The following MKRN2OS variants were observed in gnomAD, a reference collection of about 807,000 sequenced individuals.
MKRN2OS encodes MKRN2 opposite strand protein.
Under a neutral mutation model 18.2 loss-of-function variants are expected in MKRN2OS, and 17 were observed. The ratio of observed to expected loss-of-function variants is 0.93; its 90% CI spans 0.64 to 1.40. MKRN2OS has a LOEUF of 1.40. MKRN2OS is among the 40% of genes most tolerant of loss of function. The pLI, the probability that MKRN2OS is intolerant of heterozygous loss-of-function variation, is 0.00. For synonymous variants in MKRN2OS, 121 were observed against 108.5 expected (o/e 1.12, Z -0.72); for missense variants, 337 against 283.0 (o/e 1.19, Z -1.37).
upstream of MKRN2OS, among the ~76,000 whole-genome samples, chr3:12,546,409 T>TCACAACA (rs1214114609): frequency 9.2e-5 from 14 of 152,074 alleles, no homozygotes; most frequent in South Asian, 4.1e-4. Context: ...AGGGCTGTTG[T>TCACAACA]GACTCATCTG....
At chr3:12,548,304 C>A (rs147465874), upstream of MKRN2OS, among the ~76,000 whole-genome samples, 687 of 152,150 alleles carry the variant, frequency 4.5e-3, 8 homozygotes, top group East Asian at 0.029. Flanking sequence ...AAAAATTAGC[C>A]GGGCACGGTG....
upstream of MKRN2OS, among the ~76,000 whole-genome samples, chr3:12,548,305 G>A (rs1291251113): frequency 2.6e-5 from 4 of 152,088 alleles, no homozygotes. Flanking sequence ...AAAATTAGCC[G>A]GGCACGGTGG....
At chr3:12,542,311 A>G (rs960198258) in intron 2 of MKRN2OS, among the ~76,000 whole-genome samples, 6 of 152,176 alleles carry the variant, frequency 3.9e-5, no homozygotes, top group Non-Finnish European at 8.8e-5. Flanking sequence ...AGAGACAATG[A>G]TAGGCACCAG....
chr3:12,557,299 T>A, intron 1 of MKRN2OS: 1 of 1,315,646 alleles, frequency 7.6e-7, no homozygotes, highest in Non-Finnish European at 1.0e-6. Flanking sequence ...ACTCGGCTGT[T>A]CGCGGCGGGG....
At chr3:12,555,588 G>A (rs2057962396) in intron 1 of MKRN2OS, among the ~76,000 whole-genome samples, 2 of 152,196 alleles carry the variant, frequency 1.3e-5, no homozygotes, top group East Asian at 1.9e-4. Context: ...TTGGTCAAAA[G>A]AAGGCAGACA....
intron 2 of MKRN2OS, among the ~76,000 whole-genome samples, 190 bp downstream of exon 2, chr3:12,542,990 A>G (rs2057836514): frequency 6.6e-6 from 1 of 152,178 alleles, no homozygotes; most frequent in South Asian, 2.1e-4. Flanking sequence ...AATATTTTGT[A>G]TTGTTAGTGA....
At position 12,543,198 on chromosome 3, in the gene MKRN2OS, C is replaced by CAA. The variant is rs1189227807; in HGVS notation, c.248_249dup (p.Gly84LeufsTer3). ...CACTTACCATTTGTGTTAGTTATTC[C>CAA]AACATGAAGATCAGACCTTCCATCA... On this transcript the variant is annotated frameshift_variant, in exon 2 of 4. Transcript: ENST00000564146. LOFTEE classifies it high-confidence loss of function. The CAA allele has an allele frequency of 6.5e-7, 1 of 1,535,636 alleles. No homozygotes were observed. Among genetic ancestry groups the CAA allele is most frequent in the South Asian group, 1.2e-5 (1 of 83,998 alleles).
chr3:12,558,684 G>C (rs2058006691), intron 1 of MKRN2OS, among the ~76,000 whole-genome samples: 2 of 152,146 alleles, frequency 1.3e-5, no homozygotes, highest in Non-Finnish European at 2.9e-5. Context: ...GATCATCTTG[G>C]TTTTTTCCTT....
downstream of MKRN2OS, chr3:12,553,658 G>T (rs2057944987): frequency 6.6e-6 from 1 of 152,036 alleles, no homozygotes; most frequent in African/African-American, 2.4e-5. Context: ...TGTTCTGAAG[G>T]CTGTAGACAG....
At chr3:12,549,634 A>T (rs991414455), upstream of MKRN2OS, among the ~76,000 whole-genome samples, 2 of 152,136 alleles carry the variant, frequency 1.3e-5, no homozygotes, top group African/African-American at 4.8e-5. Flanking sequence ...TGCAGCCTCA[A>T]ACTTCTGGGC....
intron 1 of MKRN2OS, among the ~76,000 whole-genome samples, chr3:12,559,188 TA>T (rs1307388675): frequency 1.3e-5 from 2 of 152,156 alleles, no homozygotes; most frequent in South Asian, 2.1e-4. Context: ...CCTTGCCAAA[TA>T]AAAAACATAA....
chr3:12,547,364 C>G (rs1459492356), upstream of MKRN2OS, among the ~76,000 whole-genome samples: 2 of 151,682 alleles, frequency 1.3e-5, no homozygotes, highest in Non-Finnish European at 2.9e-5. Context: ...GGCAACATGA[C>G]AAGACTTCAT....
At chr3:12,551,888 G>A (rs1027137876), downstream of MKRN2OS, among the ~76,000 whole-genome samples, 1 of 152,092 alleles carries the variant, frequency 6.6e-6, no homozygotes, top group African/African-American at 2.4e-5. Flanking sequence ...AGGTTGCAGA[G>A]TTGAGATCAC....
chr3:12,556,609 A>G (rs1575511905), intron 1 of MKRN2OS, among the ~76,000 whole-genome samples: 1 of 152,048 alleles, frequency 6.6e-6, no homozygotes, highest in African/African-American at 2.4e-5. Flanking sequence ...AGATTTGGGG[A>G]AAGAGCAGTT....
upstream of MKRN2OS, among the ~76,000 whole-genome samples, chr3:12,548,482 A>AAAAG (rs2057904641): frequency 2.0e-5 from 1 of 49,800 alleles, no homozygotes; most frequent in Non-Finnish European, 3.1e-5. Flanking sequence ...AAAAAAAAAA[A>AAAAG]CCAGCCGAGC....
intron 1 of MKRN2OS, 65 bp from the exon 2 acceptor site, chr3:12,543,294 A>G (rs1433884676): frequency 2.2e-6 from 3 of 1,361,618 alleles, no homozygotes; most frequent in Non-Finnish European, 3.0e-6. Context: ...TTGGCATTTA[A>G]AGTAGGAGGA....
intron 1 of MKRN2OS, chr3:12,557,062 A>G (rs1459277956): frequency 2.5e-6 from 3 of 1,188,782 alleles, no homozygotes; most frequent in African/African-American, 3.2e-5. Flanking sequence ...TGACGCGGCT[A>G]CGCGGGATGG....
upstream of MKRN2OS, among the ~76,000 whole-genome samples, chr3:12,546,833 C>T (rs567733644): frequency 1.4e-3 from 210 of 152,286 alleles, 1 homozygote; most frequent in Admixed American, 4.1e-3. Flanking sequence ...CTGCCTCAGC[C>T]TCCCAAAGTG....
At chr3:12,548,313 T>A (rs1039145758), upstream of MKRN2OS, among the ~76,000 whole-genome samples, 1 of 151,858 alleles carries the variant, frequency 6.6e-6, no homozygotes, top group Non-Finnish European at 1.5e-5. Flanking sequence ...CCGGGCACGG[T>A]GGCGGGTGTC....
Sources: allele counts gnomAD v4.1 joint callset (sites outside exome capture counted in the v4.1 genomes callset), GRCh38; gene constraint gnomAD v4.1.1; transcripts MANE v1.5; gene names NCBI Gene and HGNC (gene_info 2026-07-23, HGNC 2026-07-21).